Variants in FSTL4 observed in about 807,000 individuals in gnomAD.
FSTL4 encodes the protein follistatin-related protein 4.
A neutral mutation model predicts 78.2 loss-of-function variants in FSTL4; 28 were observed. That is an observed-to-expected ratio of 0.36 (90% CI 0.27 to 0.49). FSTL4 has a LOEUF of 0.49. FSTL4 is among the 20% of genes least tolerant of loss of function. The probability of loss-of-function intolerance (pLI) is 0.98; values close to 1 mark genes in which losing one functional copy is unlikely to be tolerated. For missense variants in FSTL4, 922 were observed against 1,084.9 expected (o/e 0.85, Z 2.11); for synonymous variants, 422 against 440.5 (o/e 0.96, Z 0.53).
At chr5:133,634,833 C>A in the FSTL4 span, among the ~76,000 whole-genome samples, 10,248 of 152,206 alleles carry the variant, frequency 0.067, 409 homozygotes, top group Admixed American at 0.14. Context: ...TAATCTTCTC[C>A]AGAGAGTACC....
chr5:133,307,918 C>T (rs1581607831), intron 6 of FSTL4, among the ~76,000 whole-genome samples: 2 of 151,952 alleles, frequency 1.3e-5, no homozygotes, highest in Admixed American at 1.3e-4. Flanking sequence ...GTAGCTGAGA[C>T]TACAGGCGCC....
chr5:133,558,878 T>A (rs1044187053), intron 3 of FSTL4, among the ~76,000 whole-genome samples: 1 of 152,058 alleles, frequency 6.6e-6, no homozygotes, highest in Non-Finnish European at 1.5e-5. Context: ...GCAGAGTGAG[T>A]GAGGCCAATC....
intron 6 of FSTL4, among the ~76,000 whole-genome samples, chr5:133,277,540 A>G (rs1752910881): frequency 6.6e-6 from 1 of 152,224 alleles, no homozygotes; most frequent in Non-Finnish European, 1.5e-5. Flanking sequence ...ATATTATCAT[A>G]GAAAACATAG....
the FSTL4 span, among the ~76,000 whole-genome samples, chr5:133,633,596 T>A: frequency 2.0e-5 from 3 of 152,364 alleles, no homozygotes; most frequent in East Asian, 5.8e-4. Flanking sequence ...AATTCCAACA[T>A]CTCTGCCATT....
At chr5:133,321,611 C>T (rs558262038) in intron 4 of FSTL4, among the ~76,000 whole-genome samples, 16 of 152,238 alleles carry the variant, frequency 1.1e-4, no homozygotes, top group African/African-American at 2.9e-4. Context: ...TTTGGGAGGC[C>T]GAGGCAGGTG....
intron 10 of FSTL4, among the ~76,000 whole-genome samples, chr5:133,224,776 T>C (rs1333959943): frequency 6.6e-6 from 1 of 152,210 alleles, no homozygotes; most frequent in African/African-American, 2.4e-5. Context: ...CTCCCAATGG[T>C]GTGCATGTGT....
At chr5:133,285,929 A>C (rs761946521) in intron 6 of FSTL4, among the ~76,000 whole-genome samples, 3 of 152,236 alleles carry the variant, frequency 2.0e-5, no homozygotes, top group Non-Finnish European at 4.4e-5. Context: ...CCAGAGCACG[A>C]AGTCCTAGGA....
At position 133,333,332 on chromosome 5, in the gene FSTL4, C is replaced by G. The variant is rs557221332; in HGVS notation, c.410-16680G>C. Reference sequence around the variant, plus strand: ...CCCGGGCAATGGCGATGCAGCCAGGCCGTTGCCTGCCTGTCCTTTTGTGCC... The same window carrying G: ...CCCGGGCAATGGCGATGCAGCCAGGGCGTTGCCTGCCTGTCCTTTTGTGCC... On this transcript the variant is annotated intron_variant, in intron 4 of 15. Transcript: ENST00000265342. Among the ~76,000 whole-genome samples, 3 of 152,350 alleles carry G rather than the reference C, an allele frequency of 2.0e-5. No homozygotes were observed. In the East Asian group the frequency reaches 5.8e-4, roughly 29 times the overall value.
At chr5:133,600,868 G>A (rs549995834) in intron 2 of FSTL4, among the ~76,000 whole-genome samples, 9 of 152,326 alleles carry the variant, frequency 5.9e-5, no homozygotes, top group Admixed American at 5.9e-4. Flanking sequence ...TCTGGTTCCT[G>A]AAAAAGGTTT....
intron 14 of FSTL4, among the ~76,000 whole-genome samples, chr5:133,207,479 G>T (rs1362381131): frequency 6.6e-6 from 1 of 152,122 alleles, no homozygotes; most frequent in East Asian, 1.9e-4. Context: ...AACCCAGTCT[G>T]CTCATCTCTG....
chr5:133,282,478 A>C (rs986018781), intron 6 of FSTL4, among the ~76,000 whole-genome samples: 2 of 152,218 alleles, frequency 1.3e-5, no homozygotes, highest in Admixed American at 6.5e-5. Context: ...AATAATTGAA[A>C]TATGTAATTG....
intron 3 of FSTL4, among the ~76,000 whole-genome samples, chr5:133,496,833 C>T (rs1758375520): frequency 6.6e-6 from 1 of 152,200 alleles, no homozygotes; most frequent in Non-Finnish European, 1.5e-5. Context: ...AAGCCACTGT[C>T]CCGCCCTCTC....
chr5:133,226,843 A>C (rs1007802535), intron 8 of FSTL4, among the ~76,000 whole-genome samples: 3 of 152,184 alleles, frequency 2.0e-5, no homozygotes, highest in African/African-American at 7.2e-5. Flanking sequence ...AGCATAGAAC[A>C]AATTGGTACT....
At chr5:133,712,844 A>T in the FSTL4 span, among the ~76,000 whole-genome samples, 37 of 152,272 alleles carry the variant, frequency 2.4e-4, no homozygotes, top group East Asian at 7.1e-3. Flanking sequence ...CAGGAGGGAG[A>T]GTGAATGGCC....
At chr5:133,638,622 A>G in the FSTL4 span, among the ~76,000 whole-genome samples, 1 of 151,726 alleles carries the variant, frequency 6.6e-6, no homozygotes, top group African/African-American at 2.4e-5. Flanking sequence ...GCCTCCCTAA[A>G]ATTTCAGCTC....
intron 14 of FSTL4, among the ~76,000 whole-genome samples, chr5:133,206,118 G>A (rs1750493513): frequency 6.6e-6 from 1 of 152,120 alleles, no homozygotes; most frequent in African/African-American, 2.4e-5. Context: ...AAAACAAACT[G>A]TGCATTTTCA....
chr5:133,218,022 A>G (rs1236002641), intron 12 of FSTL4, among the ~76,000 whole-genome samples: 1 of 152,132 alleles, frequency 6.6e-6, no homozygotes, highest in African/African-American at 2.4e-5. Context: ...ACAACTCCCA[A>G]TTCATACCTT....
At chr5:133,446,301 G>A (rs146827136) in intron 3 of FSTL4, among the ~76,000 whole-genome samples, 4,469 of 152,254 alleles carry the variant, frequency 0.029, 198 homozygotes, top group African/African-American at 0.099. Context: ...TTAGCCGGGC[G>A]TGCTGGCAGG....
chr5:133,495,089 G>T (rs750624525), intron 3 of FSTL4, among the ~76,000 whole-genome samples: 2 of 152,168 alleles, frequency 1.3e-5, no homozygotes, highest in African/African-American at 4.8e-5. Flanking sequence ...ATCCATCCGG[G>T]GAAACGAGCA....
Sources: gnomAD v4.1 joint callset for allele counts (sites outside exome capture counted in the v4.1 genomes callset) on GRCh38, gnomAD v4.1.1 for gene constraint, MANE v1.5 for transcripts, NCBI Gene and HGNC (gene_info 2026-07-23, HGNC 2026-07-21) for gene names.